The following RTF1 variants were observed in gnomAD, a reference collection of about 807,000 sequenced individuals.
RTF1 encodes RTF1 homolog, Paf1/RNA polymerase II complex component, also known as RNA polymerase-associated protein RTF1 homolog.
In RTF1, 10 loss-of-function variants were observed where a neutral mutation model predicts 95.7. The observed-to-expected ratio is 0.10, with a 90% CI of 0.06 to 0.18. The LOEUF (loss-of-function observed/expected upper bound fraction) is 0.18. Among genes scored for constraint, RTF1 ranks in the 10% least tolerant of loss-of-function variants. RTF1 has a pLI of 1.00. For missense variants in RTF1, 458 were observed against 875.6 expected, an observed-to-expected ratio of 0.52 and a Z score of 6.02; for synonymous variants, 305 against 311.8, an observed-to-expected ratio of 0.98 and a Z score of 0.23.
chr15:41,431,218 C>CTTT (rs543088486), intron 1 of RTF1, among the ~76,000 whole-genome samples: 1 of 129,964 alleles, frequency 7.7e-6, no homozygotes, highest in Admixed American at 8.0e-5. Flanking sequence ...TTTCTTTTTT[C>CTTT]TTTTTTTTTT....
Position 41,481,470 on chromosome 15 carries a change from G to T in RTF1, c.*783G>T, listed in dbSNP as rs966592597. The T allele has an allele frequency of 6.6e-6, 1 of 152,610 alleles. No homozygotes were observed. Among genetic ancestry groups the T allele is most frequent in the Non-Finnish European group, 1.5e-5 (1 of 68,052 alleles). The allele number at this position is 152,610 out of a possible 1,614,324, so 9.5% of individuals were successfully genotyped here. On this transcript the variant is annotated 3_prime_UTR_variant, in exon 18 of 18. Coordinates refer to ENST00000389629, the MANE Select transcript of RTF1 (RefSeq NM_015138.5). ...AAACAGGCCTGACTGCTGTAGCTGT[G>T]TAACTTCCCCATTCCCACCTACTCT... is the stretch of plus-strand genomic sequence containing the variant.
At chr15:41,426,689 GCCCCCCCC>G (rs1566835701) in intron 1 of RTF1, among the ~76,000 whole-genome samples, 2 of 4,506 alleles carry the variant, frequency 4.4e-4, no homozygotes, top group African/African-American at 6.0e-4. Context: ...GATCCACCCC[GCCCCCCCC>G]CCCCCCCGCC....
At chr15:41,461,225 C>T (rs994180751) in intron 4 of RTF1, among the ~76,000 whole-genome samples, 4 of 151,042 alleles carry the variant, frequency 2.6e-5, no homozygotes, top group Non-Finnish European at 5.9e-5. Context: ...GTATTTTTAG[C>T]AGGGACGGGG....
chr15:41,440,595 T>C (rs928282502), intron 2 of RTF1, among the ~76,000 whole-genome samples: 1 of 150,478 alleles, frequency 6.6e-6, no homozygotes, highest in Non-Finnish European at 1.5e-5. Flanking sequence ...GTTCAAGCAA[T>C]TTTCCTGTCT....
chr15:41,469,965 A>G (rs543443673), intron 6 of RTF1, among the ~76,000 whole-genome samples: 2 of 152,176 alleles, frequency 1.3e-5, no homozygotes, highest in Admixed American at 6.5e-5. Context: ...CCCATAGTCA[A>G]GTGTCTTGAG....
intron 4 of RTF1, among the ~76,000 whole-genome samples, chr15:41,459,324 T>C (rs1187243388): frequency 1.3e-5 from 2 of 150,472 alleles, no homozygotes; most frequent in Non-Finnish European, 3.0e-5. Context: ...TGCAATGAGC[T>C]GAGATTGCAC....
At chr15:41,477,337 G>C in intron 13 of RTF1, 51 bp downstream of exon 13, 1 of 1,613,934 alleles carries the variant, frequency 6.2e-7, no homozygotes, top group Non-Finnish European at 8.5e-7. Flanking sequence ...AAAATTATCA[G>C]GCAAGCCTGT....
In RTF1 at chr15:41,482,619, T is replaced by C. The variant is rs2050983530; in HGVS notation, c.*1932T>C. 6.6e-6 allele frequency: 1 copy of C among 152,628 alleles called. No individual in the cohort carries two copies. Among genetic ancestry groups the C allele is most frequent in the Non-Finnish European group, 1.5e-5 (1 of 68,036 alleles). The allele number at this position is 152,628 out of a possible 1,614,324, so 9.5% of individuals were successfully genotyped here. A position where few individuals can be genotyped will look rare whatever the true frequency, so the allele number is the denominator to read the frequency against. ...TGCTAAATATGACTGTAACACAGCT[T>C]TGTGGTAGCTGTGACACAGTTCACT... On this transcript the variant is annotated 3_prime_UTR_variant, in exon 18 of 18. Coordinates refer to ENST00000389629, the MANE Select transcript of RTF1 (RefSeq NM_015138.5).
At position 41,482,846 on chromosome 15, in the gene RTF1, A is replaced by T. The variant is rs147310542; in HGVS notation, c.*2159A>T. Reference sequence around the variant, plus strand: ...TTTTTTTGATTTCTGGTTTTAAAAAACATAAAATTATAGAATCCAGATAAT... The same window carrying T: ...TTTTTTTGATTTCTGGTTTTAAAAATCATAAAATTATAGAATCCAGATAAT... On this transcript the variant is annotated 3_prime_UTR_variant, in exon 18 of 18. Coordinates refer to ENST00000389629, the MANE Select transcript of RTF1 (RefSeq NM_015138.5). 2.1e-3 allele frequency: 317 copies of T among 152,524 alleles called. 1 individual carries two copies. The highest frequency in any genetic ancestry group is 7.4e-3 in the African/African-American group (306 of 41,540). The allele number at this position is 152,524 out of a possible 1,614,324, so 9.4% of individuals were successfully genotyped here.
intron 12 of RTF1, 113 bp from the exon 13 acceptor site, chr15:41,477,052 G>A: frequency 7.5e-7 from 1 of 1,341,802 alleles, no homozygotes; most frequent in South Asian, 1.2e-5. Context: ...CACATCTCCT[G>A]TCCTTTGCTC....
At chr15:41,422,074 G>A (rs968098247) in intron 1 of RTF1, among the ~76,000 whole-genome samples, 2 of 151,810 alleles carry the variant, frequency 1.3e-5, no homozygotes, top group East Asian at 3.9e-4. Context: ...TCACTCTATC[G>A]CCCAGACTGG....
intron 8 of RTF1, among the ~76,000 whole-genome samples, chr15:41,472,574 A>G (rs2050918449): frequency 6.6e-6 from 1 of 151,982 alleles, no homozygotes; most frequent in African/African-American, 2.4e-5. Flanking sequence ...GCTGGAGTGC[A>G]GTGGCACGCT....
At chr15:41,443,399 G>C (rs1013145613) in intron 2 of RTF1, among the ~76,000 whole-genome samples, 7 of 152,178 alleles carry the variant, frequency 4.6e-5, no homozygotes, top group African/African-American at 1.7e-4. Context: ...GTAAAACTAA[G>C]AAGCAAGGCT....
At chr15:41,476,660 C>T (rs1566850012) in intron 12 of RTF1, 137 bp downstream of exon 12, 7 of 742,212 alleles carry the variant, frequency 9.4e-6, no homozygotes, top group Non-Finnish European at 1.4e-5. Context: ...ACAGTGTGTT[C>T]TTGGCACCTG....
At chr15:41,443,417 AG>A (rs1275977844) in intron 2 of RTF1, among the ~76,000 whole-genome samples, 1 of 152,152 alleles carries the variant, frequency 6.6e-6, no homozygotes, top group Non-Finnish European at 1.5e-5. Flanking sequence ...GCTGTTTGTA[AG>A]ATTTACATTG....
In RTF1 at chr15:41,473,160, G is replaced by C. The variant is rs1192224442; in HGVS notation, c.1204-1460G>C. ...TTTTGTTTTGTTTTTTTGAGACGGA[G>C]TCTCGCCCTGTCATCCAGGCTGGAG... is the stretch of plus-strand genomic sequence containing the variant. On this transcript the variant is annotated intron_variant, in intron 8 of 17. Coordinates refer to ENST00000389629, the MANE Select transcript of RTF1 (RefSeq NM_015138.5). Among the ~76,000 whole-genome samples the C allele has an allele frequency of 3.3e-5, 5 of 152,106 alleles. No individual in the cohort carries two copies. In the East Asian group the frequency reaches 5.8e-4, roughly 18 times the overall value.
chr15:41,443,151 AAAGAT>A (rs962141579), intron 2 of RTF1, among the ~76,000 whole-genome samples: 1 of 152,204 alleles, frequency 6.6e-6, no homozygotes. Context: ...TTTAGAGCAA[AAAGAT>A]ATTTAGCTAA....
chr15:41,457,606 T>C (rs1206408792), intron 3 of RTF1, 66 bp from the exon 4 acceptor site: 2 of 1,369,410 alleles, frequency 1.5e-6, no homozygotes, highest in Non-Finnish European at 2.1e-6. Flanking sequence ...TTGTCAACAT[T>C]GTGGAGCCGC....
At chr15:41,426,093 G>A (rs2050627765) in intron 1 of RTF1, among the ~76,000 whole-genome samples, 1 of 151,946 alleles carries the variant, frequency 6.6e-6, no homozygotes, top group Non-Finnish European at 1.5e-5. Context: ...GATCAGCCTA[G>A]GCAACATGAT....
Sources: gnomAD v4.1 joint callset for allele counts (sites outside exome capture counted in the v4.1 genomes callset) on GRCh38, gnomAD v4.1.1 for gene constraint, MANE v1.5 for transcripts, NCBI Gene and HGNC (gene_info 2026-07-23, HGNC 2026-07-21) for gene names.